Variants in RPS6KA2 observed in about 807,000 individuals in gnomAD.
RPS6KA2 encodes the protein ribosomal protein S6 kinase A2.
Under a neutral mutation model 91.8 loss-of-function variants are expected in RPS6KA2, and 42 were observed. The observed-to-expected ratio is 0.46, with a 90% CI of 0.36 to 0.59. RPS6KA2 has a LOEUF of 0.59. Among genes scored for constraint, RPS6KA2 ranks in the 20% least tolerant of loss-of-function variants. The pLI, the probability that RPS6KA2 is intolerant of heterozygous loss-of-function variation, is 0.00. For missense variants in RPS6KA2, 798 were observed against 978.5 expected, an observed-to-expected ratio of 0.82 and a Z score of 2.46; for synonymous variants, 414 against 393.6, an observed-to-expected ratio of 1.05 and a Z score of -0.61.
rs560102305 is a variant in RPS6KA2, at chr6:166,419,052, G to A, written c.1821-710C>T. Among the ~76,000 whole-genome samples the A allele has an allele frequency of 3.3e-5, 5 of 152,308 alleles. No individual in the cohort carries two copies. In the East Asian group the frequency reaches 7.7e-4, roughly 23 times the overall value. On this transcript the variant is annotated intron_variant, in intron 18 of 20. Coordinates refer to ENST00000265678, the MANE Select transcript of RPS6KA2 (RefSeq NM_021135.6). This position sits in a 1 kb window ranked among gnomAD's most constrained non-coding sequence, Gnocchi z 5.6. Reference sequence around the variant, plus strand: ...TTTGCTACTGCAGTCCTCAGGGTGCGGCTTCAGGGCCTGATTTACTCTCCT... The same window carrying A: ...TTTGCTACTGCAGTCCTCAGGGTGCAGCTTCAGGGCCTGATTTACTCTCCT...
intron 12 of RPS6KA2, among the ~76,000 whole-genome samples, chr6:166,451,859 GA>G (rs1779927470): frequency 6.6e-6 from 1 of 152,180 alleles, no homozygotes; most frequent in Non-Finnish European, 1.5e-5. Context: ...TGACTGCTGT[GA>G]GATTGATCCC....
At chr6:166,837,455 G>A (rs779140104) in intron 2 of RPS6KA2, among the ~76,000 whole-genome samples, 7 of 152,204 alleles carry the variant, frequency 4.6e-5, no homozygotes, top group Non-Finnish European at 1.0e-4. Flanking sequence ...CTGGCTAAGG[G>A]CTCTGTACCA....
chr6:166,454,388 C>T lies in RPS6KA2; in HGVS notation c.1076-3155G>A, dbSNP rs537250729. Among the ~76,000 whole-genome samples the T allele has an allele frequency of 2.9e-4, 44 of 152,214 alleles. No homozygotes were observed. The South Asian group carries it at 8.3e-3, about 29-fold the overall frequency. On this transcript the variant is annotated intron_variant, in intron 12 of 20. Transcript: ENST00000265678. Reference sequence around the variant, plus strand: ...TGGCGCACGCCTGTAATCCCAGCTACTCAGGAGGCTGAGGCAGGAGAATCG... The same window carrying T: ...TGGCGCACGCCTGTAATCCCAGCTATTCAGGAGGCTGAGGCAGGAGAATCG...
At chr6:166,797,985 G>A (rs113543105) in intron 2 of RPS6KA2, among the ~76,000 whole-genome samples, 5 of 152,116 alleles carry the variant, frequency 3.3e-5, no homozygotes, top group African/African-American at 9.7e-5. Context: ...TTTGTTACAC[G>A]GTGAAAAGCA....
intron 3 of RPS6KA2, among the ~76,000 whole-genome samples, chr6:166,513,867 C>T (rs1050835077): frequency 5.9e-5 from 9 of 152,310 alleles, no homozygotes; most frequent in Middle Eastern, 3.4e-3. Flanking sequence ...GTAATGACCC[C>T]GGAGTTTAGA....
intron 1 of RPS6KA2, among the ~76,000 whole-genome samples, chr6:166,621,667 G>T (rs892140713): frequency 8.5e-5 from 13 of 152,130 alleles, no homozygotes; most frequent in African/African-American, 2.7e-4. Context: ...AATAAGCACA[G>T]ATCCTTGGAG....
intron 6 of RPS6KA2, among the ~76,000 whole-genome samples, chr6:166,501,538 G>A (rs1001830386): frequency 6.6e-6 from 1 of 152,210 alleles, no homozygotes; most frequent in East Asian, 1.9e-4. Flanking sequence ...CTTGTTCCCT[G>A]CCAAGCCCTT....
chr6:166,424,028 C>T (rs896824588), intron 16 of RPS6KA2: 12 of 152,432 alleles, frequency 7.9e-5, no homozygotes, highest in African/African-American at 2.9e-4. Context: ...ATTTAGGGCA[C>T]AAAGCAATGT....
In RPS6KA2 at chr6:166,533,459, G is replaced by A. The variant is rs1442981286; in HGVS notation, c.217-2146C>T. On this transcript the variant is annotated intron_variant, in intron 2 of 20. Transcript: ENST00000265678. This position sits in a 1 kb window ranked among gnomAD's most constrained non-coding sequence, Gnocchi z 4.0. ...CGGAGGGGGTGTGGAACAAGGGACA[G>A]TTGTGTTTGTGGCAGGGACGCCACA... 6.6e-6 allele frequency among the ~76,000 whole-genome samples: 1 copy of A among 152,278 alleles called. No homozygotes were observed. Among genetic ancestry groups the A allele is most frequent in the Non-Finnish European group, 1.5e-5 (1 of 68,054 alleles).
chr6:166,430,422 C>G, intron 16 of RPS6KA2, 31 bp downstream of exon 16: 1 of 1,589,646 alleles, frequency 6.3e-7, no homozygotes. Flanking sequence ...GCTCCCTCCT[C>G]CCCGAAGGCT....
chr6:166,516,936 T>C (rs9364852), intron 3 of RPS6KA2, among the ~76,000 whole-genome samples: 66,277 of 152,114 alleles, frequency 0.44, 14,797 homozygotes, highest in East Asian at 0.54. Flanking sequence ...AAAAATCCTC[T>C]AAATAGGACT....
chr6:166,565,665 C>A (rs1257091330), intron 1 of RPS6KA2, among the ~76,000 whole-genome samples: 1 of 152,200 alleles, frequency 6.6e-6, no homozygotes, highest in East Asian at 1.9e-4. Flanking sequence ...GTCTTGGACA[C>A]CGGGGGCCAG....
chr6:166,437,862 C>G lies in RPS6KA2; in HGVS notation c.1333-5372G>C, dbSNP rs984294138. Among the ~76,000 whole-genome samples, 2 of 152,148 alleles carry G rather than the reference C, an allele frequency of 1.3e-5. No homozygotes were observed. The highest frequency in any genetic ancestry group is 4.8e-5 in the African/African-American group (2 of 41,392). ...CGGCAACAGGAGACTTCACCGCTCTCGATACACCTTTCTGGTCTTTGCGTT... is the reference window on the plus strand; with the variant it reads ...CGGCAACAGGAGACTTCACCGCTCTGGATACACCTTTCTGGTCTTTGCGTT... On this transcript the variant is annotated intron_variant, in intron 14 of 20. Transcript: ENST00000265678. The surrounding 1 kb of genome is among the most constrained non-coding windows in gnomAD (Gnocchi z 4.3).
intron 2 of RPS6KA2, among the ~76,000 whole-genome samples, chr6:166,848,669 G>A (rs1583176551): frequency 6.6e-6 from 1 of 152,022 alleles, no homozygotes; most frequent in African/African-American, 2.4e-5. Context: ...ACCAAACATC[G>A]TATGTTCTCA....
At chr6:166,432,033 G>A (rs530007611) in intron 15 of RPS6KA2, among the ~76,000 whole-genome samples, 1 of 152,296 alleles carries the variant, frequency 6.6e-6, no homozygotes, top group South Asian at 2.1e-4. Context: ...GTGACTCTAG[G>A]TTCATAATGC....
At chr6:166,742,823 C>T (rs1265665208) in intron 2 of RPS6KA2, among the ~76,000 whole-genome samples, 6 of 152,196 alleles carry the variant, frequency 3.9e-5, no homozygotes, top group East Asian at 1.9e-4. Flanking sequence ...CTCTGTGTCC[C>T]GTCCGTGCCT....
intron 2 of RPS6KA2, among the ~76,000 whole-genome samples, chr6:166,644,516 A>G (rs1474850376): frequency 1.3e-5 from 2 of 152,204 alleles, no homozygotes; most frequent in African/African-American, 4.8e-5. Flanking sequence ...TTCCAGGAGC[A>G]ACTGCTTTAG....
chr6:166,660,191 G>C (rs1348101434), intron 2 of RPS6KA2, among the ~76,000 whole-genome samples: 1 of 152,170 alleles, frequency 6.6e-6, no homozygotes, highest in Non-Finnish European at 1.5e-5. Context: ...ATGGATACAT[G>C]ATGCCACTTT....
chr6:166,487,405 C>T (rs889013013), intron 10 of RPS6KA2, among the ~76,000 whole-genome samples: 6 of 152,094 alleles, frequency 3.9e-5, no homozygotes, highest in Admixed American at 2.0e-4. Flanking sequence ...CTGGTAGCCA[C>T]GCTCGGCATG....
Sources: gnomAD v4.1 joint callset for allele counts (sites outside exome capture counted in the v4.1 genomes callset) on GRCh38, gnomAD v4.1.1 for gene constraint, Gnocchi (gnomAD v3.1) non-coding constraint, MANE v1.5 for transcripts, NCBI Gene and HGNC (gene_info 2026-07-23, HGNC 2026-07-21) for gene names.